Variants in STON2 observed in about 807,000 individuals in gnomAD.
The protein encoded by STON2 is stonin 2, also known as stonin-2.
In STON2, 29 loss-of-function variants were observed where a neutral mutation model predicts 65.7. That is an observed-to-expected ratio of 0.44 (90% CI 0.33 to 0.60). The LOEUF is 0.60. Ranked by LOEUF, STON2 falls within the 20% of genes least tolerant of loss-of-function variation. The probability of loss-of-function intolerance (pLI) is 0.03; values close to 1 mark genes in which losing one functional copy is unlikely to be tolerated. For missense variants in STON2, 1,054 were observed against 1,118.1 expected, an observed-to-expected ratio of 0.94 and a Z score of 0.82; for synonymous variants, 404 against 414.2, an observed-to-expected ratio of 0.98 and a Z score of 0.30.
chr14:81,381,815 C>T (rs1040885839), intron 3 of STON2, among the ~76,000 whole-genome samples: 1 of 152,112 alleles, frequency 6.6e-6, no homozygotes, highest in Non-Finnish European at 1.5e-5. Context: ...CAATTCCCAT[C>T]CTACTTTTTT....
chr14:81,293,023 T>G (rs770577070), intron 5 of STON2, among the ~76,000 whole-genome samples: 24 of 152,202 alleles, frequency 1.6e-4, no homozygotes, highest in Non-Finnish European at 2.9e-4. Context: ...TCAACCAAGG[T>G]GCACCATCCA....
At position 81,413,989 on chromosome 14, in the gene STON2, T is replaced by A. The variant is rs971870338; in HGVS notation, c.-199+13113A>T. ...TCTTTATAAAGAAAAAAAAAGATAA[T>A]GATGGCCAGAGTCTGGATGAAACAA... On this transcript the variant is annotated intron_variant, in intron 2 of 8. Transcript: ENST00000553821. Among the ~76,000 whole-genome samples the A allele has an allele frequency of 2.7e-4, 37 of 138,090 alleles. 7 individuals are homozygous for A. Among genetic ancestry groups the A allele is most frequent in the African/African-American group, 1.1e-3 (37 of 33,300 alleles). 90.6% of individuals were successfully genotyped at this position (138,090 alleles called of 152,430 possible).
rs1024853705 is a variant in STON2, at chr14:81,264,285, G to A, written c.*4129C>T. 2.0e-6 allele frequency: 2 copies of A among 985,338 alleles called. No homozygotes were observed. The highest frequency in any genetic ancestry group is 3.5e-5 in the African/African-American group (2 of 57,244). 61.0% of individuals were successfully genotyped at this position (985,338 alleles called of 1,614,324 possible). A position where few individuals can be genotyped will look rare whatever the true frequency, so the allele number is the denominator to read the frequency against. On this transcript the variant is annotated 3_prime_UTR_variant, in exon 8 of 8. Coordinates refer to ENST00000614646, the MANE Select transcript of STON2 (RefSeq NM_001394390.1). ...TTATTACTTGACTCTGGAGGCAGGA[G>A]TAAAAGGAAAGCAAAATTATTTAAG...
intron 5 of STON2, among the ~76,000 whole-genome samples, chr14:81,303,059 G>T (rs7146137): frequency 0.065 from 6,296 of 96,968 alleles, 285 homozygotes; most frequent in African/African-American, 0.13. Context: ...ATGTGTGGGG[G>T]GTGTGTGTGT....
chr14:81,363,645 C>T (rs949467314), intron 4 of STON2, among the ~76,000 whole-genome samples: 1 of 151,968 alleles, frequency 6.6e-6, no homozygotes, highest in Non-Finnish European at 1.5e-5. Context: ...AACTGCTCTG[C>T]TATTCTTCCA....
chr14:81,352,288 A>T lies in STON2; in HGVS notation c.571+18700T>A, dbSNP rs73339740. On this transcript the variant is annotated intron_variant, in intron 4 of 7. Transcript: ENST00000614646. ...TCTTAAGATATCTGTCACAACTATA[A>T]TGTGCTACGGAAACATCTATGCTTT... is the stretch of plus-strand genomic sequence containing the variant. 2.4e-3 allele frequency among the ~76,000 whole-genome samples: 371 copies of T among 152,296 alleles called. 3 individuals are homozygous for T. The highest frequency in any genetic ancestry group is 8.3e-3 in the African/African-American group (345 of 41,574).
intron 2 of STON2, chr14:81,412,907 C>CCT (rs1352973090): frequency 3.2e-6 from 2 of 615,982 alleles, no homozygotes; most frequent in Non-Finnish European, 5.5e-6. Context: ...TCCAGCCGGG[C>CCT]GATGCTTAGC....
intron 6 of STON2, among the ~76,000 whole-genome samples, chr14:81,275,477 C>G (rs1199535613): frequency 5.9e-5 from 9 of 152,034 alleles, no homozygotes; most frequent in Non-Finnish European, 1.5e-5. Context: ...CCAAGGGCTT[C>G]CGTGTCAAAG....
At chr14:81,400,993 C>A (rs1566944653), upstream of STON2, among the ~76,000 whole-genome samples, 1 of 152,204 alleles carries the variant, frequency 6.6e-6, no homozygotes, top group Non-Finnish European at 1.5e-5. Flanking sequence ...TTACAGAGGG[C>A]TTACTGTGCC....
intron 3 of STON2, among the ~76,000 whole-genome samples, chr14:81,377,307 G>A (rs1017862042): frequency 2.0e-5 from 3 of 152,124 alleles, no homozygotes; most frequent in African/African-American, 7.2e-5. Context: ...TCAGCATAAT[G>A]CCTTTGAGCT....
At chr14:81,410,276 A>AT in intron 2 of STON2, among the ~76,000 whole-genome samples, 1 of 124,472 alleles carries the variant, frequency 8.0e-6, no homozygotes, top group African/African-American at 3.7e-5. Context: ...TGTAACTCTA[A>AT]CCAAAAAAAA....
At chr14:81,408,835 C>G (rs758682272) in intron 2 of STON2, among the ~76,000 whole-genome samples, 2 of 152,194 alleles carry the variant, frequency 1.3e-5, no homozygotes, top group Non-Finnish European at 2.9e-5. Flanking sequence ...CGTACCTGAG[C>G]AGTGTATCAC....
chr14:81,265,327 G>C lies in STON2; in HGVS notation c.*3087C>G. ...AAAACAGTAGAGGGAAAACAAATTT[G>C]ATGAAATTAAGATGTTAGGTTTTTA... On this transcript the variant is annotated 3_prime_UTR_variant, in exon 8 of 8. Coordinates refer to ENST00000614646, the MANE Select transcript of STON2 (RefSeq NM_001394390.1). 1.2e-5 allele frequency: 12 copies of C among 984,506 alleles called. No homozygotes were observed. The highest frequency in any genetic ancestry group is 1.4e-5 in the Non-Finnish European group (12 of 829,192). 61.0% of individuals were successfully genotyped at this position (984,506 alleles called of 1,614,324 possible).
In STON2 at chr14:81,412,681, G is replaced by A. The variant is rs1901220062; in HGVS notation, c.-198-14101C>T. ...CAATAGTTGCACAACGATGTGAAAG[G>A]ACATAATGCTGCTGAACTCTACTCT... On this transcript the variant is annotated intron_variant, in intron 2 of 8. Coordinates refer to the STON2 transcript ENST00000553821. 1.4e-5 allele frequency among the ~76,000 whole-genome samples: 2 copies of A among 139,330 alleles called. 1 individual carries two copies. The highest frequency in any genetic ancestry group is 5.9e-5 in the African/African-American group (2 of 33,732). 91.4% of individuals were successfully genotyped at this position (139,330 alleles called of 152,430 possible).
Position 81,264,551 on chromosome 14 carries a change from A to G in STON2, c.*3863T>C. The G allele has an allele frequency of 1.0e-6, 1 of 984,358 alleles. No homozygotes were observed. The highest frequency in any genetic ancestry group is 1.7e-5 in the African/African-American group (1 of 57,354). The allele number at this position is 984,358 out of a possible 1,614,324, so 61.0% of individuals were successfully genotyped here. On this transcript the variant is annotated 3_prime_UTR_variant, in exon 8 of 8. Coordinates refer to ENST00000614646, the MANE Select transcript of STON2 (RefSeq NM_001394390.1). ...GTTGGAAACACAAAAAATTATATAT[A>G]GTCCTTGCCTTCATGGATCCCATTT...
At chr14:81,370,522 T>G (rs12435764) in intron 4 of STON2, among the ~76,000 whole-genome samples, 44,554 of 152,092 alleles carry the variant, frequency 0.29, 6,844 homozygotes, top group South Asian at 0.35. Context: ...GCCAAATGAT[T>G]TGTAGTCTGG....
chr14:81,403,156 T>C (rs1390726303), upstream of STON2, among the ~76,000 whole-genome samples: 3 of 152,214 alleles, frequency 2.0e-5, no homozygotes, highest in Admixed American at 1.3e-4. Context: ...TTAATATACT[T>C]TGTCCTATTC....
At chr14:81,338,412 G>A (rs1268997412) in intron 4 of STON2, among the ~76,000 whole-genome samples, 1 of 152,166 alleles carries the variant, frequency 6.6e-6, no homozygotes, top group African/African-American at 2.4e-5. Flanking sequence ...TGTCAGAGAG[G>A]GTGTGGAAGC....
rs140932014 is a variant in STON2 at position 81,277,202 on chromosome 14, C to T, written c.2280G>A (p.Val760=). 6.2e-7 allele frequency: 1 copy of T among 1,614,110 alleles called. No homozygotes were observed. Among genetic ancestry groups the T allele is most frequent in the Non-Finnish European group, 8.5e-7 (1 of 1,180,050 alleles). ...CAGTTGACATCCTCAGCCAGCTCTGCACCTCCACCTCTGCCCCATTGACAC... is the reference window on the plus strand; with the variant it reads ...CAGTTGACATCCTCAGCCAGCTCTGTACCTCCACCTCTGCCCCATTGACAC... ...ATSVNGAEVE[V]QSWLRMSTGF... The change falls in exon 6 of 8, where the codon GTG becomes GTA. Residue 760 remains valine (V), a synonymous_variant. Transcript: ENST00000614646.
Sources: gnomAD v4.1 joint callset for allele counts (sites outside exome capture counted in the v4.1 genomes callset) on GRCh38, gnomAD v4.1.1 for gene constraint, MANE v1.5 for transcripts, NCBI Gene and HGNC (gene_info 2026-07-23, HGNC 2026-07-21) for gene names.